Variants in KIT observed in about 807,000 individuals in gnomAD.
KIT encodes the protein mast/stem cell growth factor receptor Kit.
KIT carries 16 observed loss-of-function variants against 105.7 expected under a neutral mutation model. That is an observed-to-expected ratio of 0.15 (90% CI 0.10 to 0.23). The LOEUF (loss-of-function observed/expected upper bound fraction) is 0.23. Among genes scored for constraint, KIT ranks in the 10% least tolerant of loss-of-function variants. The pLI, the probability that KIT is intolerant of heterozygous loss-of-function variation, is 1.00. For synonymous variants in KIT, 438 were observed against 441.1 expected, an observed-to-expected ratio of 0.99 and a Z score of 0.09; for missense variants, 858 against 1,213.8, an observed-to-expected ratio of 0.71 and a Z score of 4.36.
At chr4:54,673,262 A>G (rs1372893338) in intron 1 of KIT, among the ~76,000 whole-genome samples, 1 of 151,220 alleles carries the variant, frequency 6.6e-6, no homozygotes, top group African/African-American at 2.4e-5. Context: ...GGCTTTAGGA[A>G]CTCCCATTAT....
intron 1 of KIT, among the ~76,000 whole-genome samples, chr4:54,678,685 T>C (rs1371251500): frequency 1.3e-5 from 2 of 152,080 alleles, no homozygotes; most frequent in Admixed American, 6.5e-5. Flanking sequence ...TCACCCAAGC[T>C]CAGAGAAGCA....
chr4:54,733,553 G>A (rs546806591), intron 17 of KIT, among the ~76,000 whole-genome samples: 9 of 152,214 alleles, frequency 5.9e-5, no homozygotes, highest in East Asian at 1.9e-4. Flanking sequence ...TTGGCATGCC[G>A]TGTGAAAAAT....
At chr4:54,674,893 G>A (rs1259261965) in intron 1 of KIT, among the ~76,000 whole-genome samples, 1 of 152,190 alleles carries the variant, frequency 6.6e-6, no homozygotes, top group Admixed American at 6.5e-5. Context: ...GATTCCTTGA[G>A]TTCTGAAGGA....
intron 14 of KIT, among the ~76,000 whole-genome samples, chr4:54,730,040 T>C (rs575905729): frequency 6.6e-6 from 1 of 152,324 alleles, no homozygotes; most frequent in African/African-American, 2.4e-5. Context: ...CAGCACATTT[T>C]TTAAAAATTC....
At chr4:54,735,387 A>T (rs1560423835) in intron 17 of KIT, among the ~76,000 whole-genome samples, 1 of 121,550 alleles carries the variant, frequency 8.2e-6, no homozygotes, top group African/African-American at 3.0e-5. Flanking sequence ...AAGAAAAAAA[A>T]AAAAAGCTTT....
rs1225022957 is a variant in KIT, at chr4:54,738,655, G to A, written c.*98G>A. The A allele has an allele frequency of 9.7e-6, 14 of 1,448,180 alleles. No individual in the cohort carries two copies. 89.7% of individuals were successfully genotyped at this position (1,448,180 alleles called of 1,614,324 possible). A position where few individuals can be genotyped will look rare whatever the true frequency, so the allele number is the denominator to read the frequency against. The stretch of plus-strand genomic sequence containing the variant: ...TCTTTCAACTTGCATCCAACTCCAG[G>A]ATAGTGGGCACCCCACTGCAATCCT... On this transcript the variant is annotated 3_prime_UTR_variant, in exon 21 of 21. Transcript: ENST00000288135.
At chr4:54,661,437 C>G (rs566071473) in intron 1 of KIT, among the ~76,000 whole-genome samples, 2 of 152,278 alleles carry the variant, frequency 1.3e-5, no homozygotes, top group African/African-American at 4.8e-5. Context: ...CAAGTCTCTT[C>G]CAGCTGATTA....
chr4:54,687,269 C>A (rs1231252838), intron 1 of KIT, among the ~76,000 whole-genome samples: 1 of 151,966 alleles, frequency 6.6e-6, no homozygotes, highest in Non-Finnish European at 1.5e-5. Context: ...GAAACTGCAT[C>A]GCTACTAAAA....
At chr4:54,673,990 T>C (rs539649979) in intron 1 of KIT, among the ~76,000 whole-genome samples, 46 of 152,278 alleles carry the variant, frequency 3.0e-4, no homozygotes, top group African/African-American at 1.0e-3. Context: ...AGACTGGTCT[T>C]GAACTCCTGA....
intron 1 of KIT, among the ~76,000 whole-genome samples, chr4:54,669,609 A>C (rs758499546): frequency 6.6e-6 from 1 of 152,132 alleles, no homozygotes; most frequent in African/African-American, 2.4e-5. Flanking sequence ...GTAGTAGTGA[A>C]CATACCAGGC....
intron 2 of KIT, among the ~76,000 whole-genome samples, chr4:54,696,253 T>C (rs1720057265): frequency 6.6e-6 from 1 of 152,192 alleles, no homozygotes; most frequent in Non-Finnish European, 1.5e-5. Context: ...ATCCCATGTC[T>C]GTCATGGGTT....
chr4:54,739,448 T>C lies in KIT; in HGVS notation c.*891T>C. 1 of 233,478 alleles carries C rather than the reference T, an allele frequency of 4.3e-6. No individual in the cohort carries two copies. The highest frequency in any genetic ancestry group is 6.0e-5 in the East Asian group (1 of 16,550). The allele number at this position is 233,478 out of a possible 1,614,324, so 14.5% of individuals were successfully genotyped here. A position where few individuals can be genotyped will look rare whatever the true frequency, so the allele number is the denominator to read the frequency against. On this transcript the variant is annotated 3_prime_UTR_variant, in exon 21 of 21. Transcript: ENST00000288135. ...CCTCTTTTAGCTGATGAACTTATTCTGTAGATTCTGTGGAACAAGCCTATC... is the reference window on the plus strand; with the variant it reads ...CCTCTTTTAGCTGATGAACTTATTCCGTAGATTCTGTGGAACAAGCCTATC...
At chr4:54,733,834 A>G (rs1378422160) in intron 17 of KIT, among the ~76,000 whole-genome samples, 1 of 152,152 alleles carries the variant, frequency 6.6e-6, no homozygotes, top group East Asian at 1.9e-4. Flanking sequence ...AGGACAATAG[A>G]GGCTGAAACT....
chr4:54,711,812 A>G (rs1443820512), intron 7 of KIT, among the ~76,000 whole-genome samples: 2 of 151,646 alleles, frequency 1.3e-5, no homozygotes, highest in Non-Finnish European at 1.5e-5. Flanking sequence ...AATCCCAGCT[A>G]GTTGGGAGGC....
Position 54,738,598 on chromosome 4 carries a change from T to C in KIT, c.*41T>C. 1 of 1,605,608 alleles carries C rather than the reference T, an allele frequency of 6.2e-7. No homozygotes were observed. Among genetic ancestry groups the C allele is most frequent in the Non-Finnish European group, 8.5e-7 (1 of 1,174,590 alleles). ...GGGTCACCCCTCCAGGAATGATCTCTTCTTTTGGCTTCCATGATGGTTATT... is the reference window on the plus strand; with the variant it reads ...GGGTCACCCCTCCAGGAATGATCTCCTCTTTTGGCTTCCATGATGGTTATT... On this transcript the variant is annotated 3_prime_UTR_variant, in exon 21 of 21. Transcript: ENST00000288135.
chr4:54,723,819 T>C (rs1722050389), intron 8 of KIT, 121 bp downstream of exon 8: 7 of 736,498 alleles, frequency 9.5e-6, no homozygotes, highest in Non-Finnish European at 1.7e-5. Flanking sequence ...TTGTTTTTTT[T>C]CTAGCCATGT....
At position 54,737,287 on chromosome 4, in the gene KIT, A is replaced by T; in HGVS notation, c.2802+7A>T. The T allele has an allele frequency of 1.3e-6, 2 of 1,576,252 alleles. No individual in the cohort carries two copies. The highest frequency in any genetic ancestry group is 1.7e-6 in the Non-Finnish European group (2 of 1,145,484). Reference sequence around the variant, plus strand: ...TTCAGAGAGCACCAATCATGTGAGTATACCCTGGCCAGGCATAGAATCCCC... The same window carrying T: ...TTCAGAGAGCACCAATCATGTGAGTTTACCCTGGCCAGGCATAGAATCCCC... On this transcript the variant is annotated splice_region_variant and intron_variant, in intron 20 of 20. Coordinates refer to ENST00000288135, the MANE Select transcript of KIT (RefSeq NM_000222.3).
chr4:54,698,208 A>G, intron 2 of KIT, 76 bp from the exon 3 acceptor site: 1 of 1,447,990 alleles, frequency 6.9e-7, no homozygotes, highest in Non-Finnish European at 9.6e-7. Context: ...AAGGCAACAT[A>G]TTAGATCTTT....
intron 1 of KIT, among the ~76,000 whole-genome samples, chr4:54,662,081 C>CT (rs1480953569): frequency 6.6e-6 from 1 of 152,154 alleles, no homozygotes; most frequent in African/African-American, 2.4e-5. Context: ...TCTGTCTCCT[C>CT]TTTAAGAATT....
Sources: gnomAD v4.1 joint callset for allele counts (sites outside exome capture counted in the v4.1 genomes callset) on GRCh38, gnomAD v4.1.1 for gene constraint, MANE v1.5 for transcripts, NCBI Gene and HGNC (gene_info 2026-07-23, HGNC 2026-07-21) for gene names.